Variants in NMNAT1 observed in about 807,000 individuals in gnomAD.
The protein encoded by NMNAT1 is nicotinamide nucleotide adenylyltransferase 1.
Under a neutral mutation model 16.7 loss-of-function variants are expected in NMNAT1, and 11 were observed. The observed-to-expected ratio is 0.66, with a 90% confidence interval of 0.41 to 1.09. The LOEUF (loss-of-function observed/expected upper bound fraction) is 1.09. Ranked by LOEUF, NMNAT1 falls within the 50% of genes least tolerant of loss-of-function variation. The pLI, the probability that NMNAT1 is intolerant of heterozygous loss-of-function variation, is 0.00. For missense variants in NMNAT1, 280 were observed against 332.3 expected, an observed-to-expected ratio of 0.84 and a Z score of 1.22; for synonymous variants, 110 against 119.8, an observed-to-expected ratio of 0.92 and a Z score of 0.53.
intron 1 of NMNAT1, chr1:9,967,319 C>T (rs1162653668): frequency 1.3e-5 from 2 of 154,014 alleles, no homozygotes; most frequent in South Asian, 2.0e-4. Flanking sequence ...ACAACATCGT[C>T]GAACTTACTT....
At chr1:9,978,458 C>T (rs143182376) in intron 3 of NMNAT1, among the ~76,000 whole-genome samples, 76 of 152,316 alleles carry the variant, frequency 5.0e-4, no homozygotes, top group Admixed American at 2.5e-3. Flanking sequence ...TAGCAGAAAT[C>T]GCAGTCAAGT....
rs117097178 is a variant in NMNAT1, at chr1:9,965,553, G to A, written c.-56-6465G>A. Among the ~76,000 whole-genome samples, 165 of 151,594 alleles carry A rather than the reference G, an allele frequency of 1.1e-3. 1 individual carries two copies. The East Asian group carries it at 0.027, about 25-fold the overall frequency. ...CAAGTACCTGGGATTACATGTGTGC[G>A]CCACCACACTCGCTAATTTTTGTAT... On this transcript the variant is annotated intron_variant, in intron 1 of 4. Transcript: ENST00000377205.
At chr1:9,971,799 A>C (rs1241018549) in intron 1 of NMNAT1, among the ~76,000 whole-genome samples, 1 of 152,012 alleles carries the variant, frequency 6.6e-6, no homozygotes, top group African/African-American at 2.4e-5. Context: ...CCCCATCTCT[A>C]CAAAAATTAG....
In NMNAT1 at chr1:9,982,942, C is replaced by A; in HGVS notation, c.*241C>A. On this transcript the variant is annotated 3_prime_UTR_variant, in exon 5 of 5. Transcript: ENST00000377205. ...CCAATATGGTGAAACCCCATCTCTA[C>A]TAAAAATACAAAAATTAGCTGTGTG... The A allele has an allele frequency of 2.9e-6, 1 of 343,020 alleles. No homozygotes were observed. Among genetic ancestry groups the A allele is most frequent in the East Asian group, 6.6e-5 (1 of 15,056 alleles). 21.2% of individuals were successfully genotyped at this position (343,020 alleles called of 1,614,324 possible).
At chr1:9,953,593 AC>A (rs1641172036) in intron 1 of NMNAT1, among the ~76,000 whole-genome samples, 2 of 151,698 alleles carry the variant, frequency 1.3e-5, no homozygotes, top group African/African-American at 4.8e-5. Flanking sequence ...GGCGTGTGCC[AC>A]CACGCTCAGC....
chr1:9,953,020 G>A lies in NMNAT1; in HGVS notation c.-57+9505G>A, dbSNP rs143535448. Reference sequence around the variant, plus strand: ...TTTTGAGACGGAGTCTTGCTCTGTCGCCCAGGTGGAAGTGCAGTGACGTGA... The same window carrying A: ...TTTTGAGACGGAGTCTTGCTCTGTCACCCAGGTGGAAGTGCAGTGACGTGA... On this transcript the variant is annotated intron_variant, in intron 1 of 4. Transcript: ENST00000377205. 4.8e-3 allele frequency among the ~76,000 whole-genome samples: 730 copies of A among 150,534 alleles called. 2 individuals carry two copies. Among genetic ancestry groups the A allele is most frequent in the Non-Finnish European group, 7.6e-3 (511 of 67,680 alleles).
intron 1 of NMNAT1, among the ~76,000 whole-genome samples, chr1:9,953,171 A>T (rs894859687): frequency 1.3e-5 from 2 of 150,844 alleles, no homozygotes; most frequent in African/African-American, 4.9e-5. Flanking sequence ...TTTAGTAGAG[A>T]CGGGGTTTCA....
At chr1:9,971,792 C>G (rs897679399) in intron 1 of NMNAT1, among the ~76,000 whole-genome samples, 1 of 151,924 alleles carries the variant, frequency 6.6e-6, no homozygotes, top group African/African-American at 2.4e-5. Flanking sequence ...GCAAGACCCC[C>G]ATCTCTACAA....
chr1:9,982,225 A>C, intron 4 of NMNAT1, 76 bp from the exon 5 acceptor site: 1 of 1,503,636 alleles, frequency 6.7e-7, no homozygotes, highest in Non-Finnish European at 8.9e-7. Flanking sequence ...TTATTAGAAA[A>C]GTAAACCCCT....
chr1:9,988,530 G>A (rs896699645), downstream of NMNAT1, among the ~76,000 whole-genome samples: 1 of 151,536 alleles, frequency 6.6e-6, no homozygotes, highest in Non-Finnish European at 1.5e-5. Context: ...GTGAAACCCC[G>A]TCTCTAATAA....
intron 1 of NMNAT1, among the ~76,000 whole-genome samples, chr1:9,958,628 TG>T (rs1262011796): frequency 6.6e-6 from 1 of 151,948 alleles, no homozygotes; most frequent in Non-Finnish European, 1.5e-5. Flanking sequence ...TTAGTAGAGA[TG>T]GGGTTTCACC....
intron 4 of NMNAT1, 93 bp from the exon 5 acceptor site, chr1:9,982,208 C>G (rs990812067): frequency 9.7e-6 from 14 of 1,448,368 alleles, no homozygotes; most frequent in African/African-American, 1.4e-5. Flanking sequence ...CATTTTGATA[C>G]AGTGGGTTAT....
chr1:9,965,217 T>C (rs1222593998), intron 1 of NMNAT1, among the ~76,000 whole-genome samples: 1 of 145,266 alleles, frequency 6.9e-6, no homozygotes, highest in Admixed American at 7.1e-5. Context: ...CTCAGGAGGC[T>C]GAGGCAGGAG....
intron 1 of NMNAT1, chr1:9,967,607 A>T (rs1641577813): frequency 6.6e-6 from 1 of 152,188 alleles, no homozygotes; most frequent in Non-Finnish European, 1.5e-5. Context: ...CCTCTGGGAA[A>T]AAAACAGATT....
intron 1 of NMNAT1, chr1:9,952,614 G>A (rs1197275271): frequency 2.6e-5 from 4 of 151,710 alleles, no homozygotes; most frequent in African/African-American, 4.8e-5. Flanking sequence ...CTCAGCTCAC[G>A]GTGACCTCTG....
chr1:9,968,080 G>GTTTTTTTTTTGT (rs6143117), intron 1 of NMNAT1, among the ~76,000 whole-genome samples: 1 of 117,774 alleles, frequency 8.5e-6, no homozygotes, highest in Non-Finnish European at 1.7e-5. Context: ...TTTTTTTTTT[G>GTTTTTTTTTTGT]TTTTTTTTTG....
At chr1:9,960,846 T>TA (rs763491073) in intron 1 of NMNAT1, 20 of 152,308 alleles carry the variant, frequency 1.3e-4, no homozygotes, top group African/African-American at 4.6e-4. Flanking sequence ...TCAGTCCCGT[T>TA]AGAGTTTCCA....
intron 1 of NMNAT1, among the ~76,000 whole-genome samples, chr1:9,948,959 A>T (rs917130708): frequency 2.6e-5 from 4 of 151,748 alleles, no homozygotes; most frequent in African/African-American, 9.6e-5. Flanking sequence ...GAATTGTTAA[A>T]TATACACTGA....
rs529398175 is a variant in NMNAT1, at chr1:9,978,217, G to A, written c.299+2442G>A. Among the ~76,000 whole-genome samples, 9 of 152,246 alleles carry A rather than the reference G, an allele frequency of 5.9e-5. No homozygotes were observed. In the East Asian group the frequency reaches 7.8e-4, roughly 13 times the overall value. ...CTAAAAATACAAAAATTAGCCAGGCGTGGTGGCACATGCCTATAGTCCCAG... is the reference window on the plus strand; with the variant it reads ...CTAAAAATACAAAAATTAGCCAGGCATGGTGGCACATGCCTATAGTCCCAG... On this transcript the variant is annotated intron_variant, in intron 3 of 4. Transcript: ENST00000377205.
Sources: gnomAD v4.1 joint callset for allele counts (sites outside exome capture counted in the v4.1 genomes callset) on GRCh38, gnomAD v4.1.1 for gene constraint, MANE v1.5 for transcripts, NCBI Gene and HGNC (gene_info 2026-07-23, HGNC 2026-07-21) for gene names.